NOTCH2NLA: variants seen among roughly 807,000 people sequenced by gnomAD.
NOTCH2NLA encodes notch 2 N-terminal like A.
At chr1:146,159,466 G>GA (rs1559371041) in intron 3 of NOTCH2NLA, among the ~76,000 whole-genome samples, 1 of 130,932 alleles carries the variant, frequency 7.6e-6, no homozygotes, top group Admixed American at 7.8e-5. Flanking sequence ...AGAAAGAAAG[G>GA]AAGGGAGAAA....
chr1:146,228,921 A>T (rs781950972), exon 1 of NOTCH2NLA: 3 of 1,469,324 alleles, frequency 2.0e-6, no homozygotes, highest in East Asian at 5.2e-5. Context: ...TACGCTCCGA[A>T]GCCCAGCGCA....
chr1:146,158,064 C>T (rs1661252242), intron 3 of NOTCH2NLA, among the ~76,000 whole-genome samples: 1 of 149,648 alleles, frequency 6.7e-6, no homozygotes, highest in Admixed American at 6.7e-5. Context: ...AAAATATCCT[C>T]ACAGAACTAG....
At chr1:146,192,783 A>AGTGACTCCT (rs1663030817) in intron 1 of NOTCH2NLA, among the ~76,000 whole-genome samples, 1 of 1,544 alleles carries the variant, frequency 6.5e-4, no homozygotes, top group African/African-American at 1.3e-3. Flanking sequence ...TGAGTGACAG[A>AGTGACTCCT]GAGAGACTCC....
intron 1 of NOTCH2NLA, among the ~76,000 whole-genome samples, chr1:146,209,572 TAG>T (rs1362729198): frequency 2.3e-5 from 2 of 86,380 alleles, no homozygotes; most frequent in African/African-American, 7.7e-5. Flanking sequence ...CAACAAGATT[TAG>T]AAAAAACACA....
At chr1:146,219,959 A>G (rs1426505310) in intron 1 of NOTCH2NLA, among the ~76,000 whole-genome samples, 1 of 58,744 alleles carries the variant, frequency 1.7e-5, no homozygotes, top group Non-Finnish European at 2.9e-5. Context: ...ACTTTTTCAA[A>G]CATAATTACT....
rs1571306254 is a variant in NOTCH2NLA, at chr1:146,185,272, A to G, written c.38+4028T>C. On this transcript the variant is annotated intron_variant, in intron 2 of 4. Transcript: ENST00000362074. ...ATCTTTAATCAAATTGGGATTTAGA[A>G]TGGTTTATATTTGAAAATCTGAAGC... Among the ~76,000 whole-genome samples the G allele has an allele frequency of 2.2e-5, 3 of 136,390 alleles. 1 individual carries two copies. In the South Asian group the frequency reaches 6.9e-4, roughly 31 times the overall value. The allele number at this position is 136,390 out of a possible 152,430, so 89.5% of individuals were successfully genotyped here.
At chr1:146,183,535 A>G (rs1338982346) in intron 2 of NOTCH2NLA, among the ~76,000 whole-genome samples, 13 of 119,626 alleles carry the variant, frequency 1.1e-4, no homozygotes, top group Non-Finnish European at 2.1e-4. Context: ...TTCCAGAAAA[A>G]CTATACACAC....
intron 3 of NOTCH2NLA, among the ~76,000 whole-genome samples, chr1:146,159,448 A>AAAGAAAGAAAGG (rs1661374130): frequency 7.2e-6 from 1 of 139,100 alleles, no homozygotes; most frequent in East Asian, 2.1e-4. Context: ...AGAAAGAAAG[A>AAAGAAAGAAAGG]GAAAGAAAGA....
At chr1:146,185,983 G>T (rs1323274331) in intron 2 of NOTCH2NLA, among the ~76,000 whole-genome samples, 2 of 135,268 alleles carry the variant, frequency 1.5e-5, no homozygotes, top group African/African-American at 5.0e-5. Flanking sequence ...GCTCTGCTAG[G>T]TACACATTAT....
intron 3 of NOTCH2NLA, among the ~76,000 whole-genome samples, chr1:146,160,022 CAAG>C (rs1400334334): frequency 7.1e-5 from 5 of 70,452 alleles, no homozygotes; most frequent in African/African-American, 2.2e-4. Context: ...CAGAACACAC[CAAG>C]AAGAGATCCT....
Position 146,210,664 on chromosome 1 carries a change from G to A in NOTCH2NLA, c.-45+18045C>T, listed in dbSNP as rs1663782029. Among the ~76,000 whole-genome samples, 2 of 97,132 alleles carry A rather than the reference G, an allele frequency of 2.1e-5. 1 individual carries two copies. The highest frequency in any genetic ancestry group is 4.0e-5 in the Non-Finnish European group (2 of 50,532). The allele number at this position is 97,132 out of a possible 152,430, so 63.7% of individuals were successfully genotyped here. ...AGTTAAATCAGAGATACTTAATTCA[G>A]ATATTCAAATTTTTTAATTTGAAAT... On this transcript the variant is annotated intron_variant, in intron 1 of 4. Transcript: ENST00000362074.
Position 146,195,068 on chromosome 1 carries a change from A to G in NOTCH2NLA, c.-44-5687T>C, listed in dbSNP as rs1312064821. ...ACCCCCCCCCATCCTTGTAACACTCATGACTCTCAATTCAGCACTACAGGG... is the reference window on the plus strand; with the variant it reads ...ACCCCCCCCCATCCTTGTAACACTCGTGACTCTCAATTCAGCACTACAGGG... On this transcript the variant is annotated intron_variant, in intron 1 of 4. Coordinates refer to ENST00000362074, the Ensembl canonical transcript of NOTCH2NLA. 5.5e-5 allele frequency among the ~76,000 whole-genome samples: 6 copies of G among 109,366 alleles called. 2 individuals are homozygous for G. The highest frequency in any genetic ancestry group is 2.5e-4 in the African/African-American group (6 of 24,400). 71.7% of individuals were successfully genotyped at this position (109,366 alleles called of 152,430 possible).
intron 2 of NOTCH2NLA, among the ~76,000 whole-genome samples, chr1:146,180,242 C>T (rs1209954129): frequency 2.1e-5 from 3 of 142,908 alleles, no homozygotes; most frequent in East Asian, 3.9e-4. Context: ...AGATTATTTT[C>T]TTATTAACAC....
intron 1 of NOTCH2NLA, among the ~76,000 whole-genome samples, chr1:146,219,987 A>T (rs1481151054): frequency 1.9e-5 from 1 of 51,712 alleles, no homozygotes; most frequent in Non-Finnish European, 3.3e-5. Context: ...TTACAAAAAT[A>T]AAAAAATCTT....
intron 1 of NOTCH2NLA, among the ~76,000 whole-genome samples, chr1:146,198,830 C>T: frequency 1.5e-5 from 1 of 65,984 alleles, no homozygotes; most frequent in African/African-American, 5.3e-5. Context: ...CTCGCTCTGT[C>T]ACCCAGGCTG....
chr1:146,159,307 G>A (rs1452225494), intron 3 of NOTCH2NLA, among the ~76,000 whole-genome samples: 2 of 150,330 alleles, frequency 1.3e-5, no homozygotes, highest in African/African-American at 2.5e-5. Context: ...GCAGTGAGCC[G>A]AGACTGCGCC....
At chr1:146,154,429 TC>T (rs1661044287), downstream of NOTCH2NLA, 1 of 150,990 alleles carries the variant, frequency 6.6e-6, no homozygotes, top group Admixed American at 6.6e-5. Context: ...CTGGCACAGT[TC>T]CTGAGTCACC....
rs1277878690 is a variant in NOTCH2NLA at position 146,194,814 on chromosome 1, G to A, written c.-44-5433C>T. On this transcript the variant is annotated intron_variant, in intron 1 of 4. Transcript: ENST00000362074. The stretch of plus-strand genomic sequence containing the variant: ...TTCCAGATCAGAGCTTACCTTACGT[G>A]CCCAGTATTACTCCCCACCACTTCC... Among the ~76,000 whole-genome samples the A allele has an allele frequency of 7.7e-5, 8 of 104,010 alleles. 2 individuals are homozygous for A. Among genetic ancestry groups the A allele is most frequent in the Non-Finnish European group, 1.3e-4 (7 of 51,992 alleles). The allele number at this position is 104,010 out of a possible 152,430, so 68.2% of individuals were successfully genotyped here.
intron 2 of NOTCH2NLA, among the ~76,000 whole-genome samples, chr1:146,187,878 C>T (rs1571310284): frequency 1.5e-5 from 2 of 136,070 alleles, no homozygotes; most frequent in Non-Finnish European, 3.4e-5. Flanking sequence ...ACTAAATGAG[C>T]AGCCCATAAT....
Sources: gnomAD v4.1 joint callset for allele counts (sites outside exome capture counted in the v4.1 genomes callset) on GRCh38, gnomAD v4.1.1 for gene constraint, MANE v1.5 for transcripts, NCBI Gene and HGNC (gene_info 2026-07-23, HGNC 2026-07-21) for gene names.